NBEA: variants seen among roughly 807,000 people sequenced by gnomAD.
NBEA encodes the protein lysosomal-trafficking regulator 2.
NBEA carries 44 observed loss-of-function variants against 343.4 expected under a neutral mutation model. The observed-to-expected ratio is 0.13, with a 90% CI of 0.10 to 0.16. The LOEUF is 0.16. Among genes scored for constraint, NBEA ranks in the 10% least tolerant of loss-of-function variants. The pLI is 1.00. For missense variants in NBEA, 2,555 were observed against 3,631.3 expected, an observed-to-expected ratio of 0.70 and a Z score of 7.62; for synonymous variants, 1,175 against 1,238.7, an observed-to-expected ratio of 0.95 and a Z score of 1.08.
chr13:35,600,599 A>G (rs2082003233), intron 47 of NBEA, among the ~76,000 whole-genome samples: 1 of 152,316 alleles, frequency 6.6e-6, no homozygotes, highest in Non-Finnish European at 1.5e-5. Context: ...AAGTTATGAA[A>G]TGTATTGTTT....
intron 11 of NBEA, 97 bp from the exon 12 acceptor site, chr13:35,109,193 A>G: frequency 9.8e-7 from 1 of 1,020,846 alleles, no homozygotes; most frequent in Non-Finnish European, 1.4e-6. Flanking sequence ...TATTAGGGAT[A>G]GCATATGAAA....
chr13:35,194,103 C>T (rs2152740510), intron 30 of NBEA, among the ~76,000 whole-genome samples: 1 of 151,960 alleles, frequency 6.6e-6, no homozygotes, highest in South Asian at 2.1e-4. Flanking sequence ...TAAATTCACA[C>T]CCTCAGGAAA....
chr13:35,202,378 A>T (rs781658057), intron 31 of NBEA, among the ~76,000 whole-genome samples: 9 of 152,138 alleles, frequency 5.9e-5, no homozygotes, highest in Non-Finnish European at 1.3e-4. Flanking sequence ...ACTTAGTGTA[A>T]TCCCCTGTTA....
chr13:35,116,107 G>A (rs2066480453), intron 13 of NBEA, among the ~76,000 whole-genome samples: 1 of 152,166 alleles, frequency 6.6e-6, no homozygotes, highest in African/African-American at 2.4e-5. Flanking sequence ...ACAATCAGTT[G>A]TTAGATATTC....
chr13:35,276,367 AATCAAGACATT>A (rs2034591752), intron 34 of NBEA, among the ~76,000 whole-genome samples: 2 of 152,192 alleles, frequency 1.3e-5, no homozygotes, highest in Non-Finnish European at 2.9e-5. Flanking sequence ...TGTTTTGACA[AATCAAGACATT>A]TGGGTGCTTA....
intron 17 of NBEA, among the ~76,000 whole-genome samples, chr13:35,141,753 A>G (rs2068106253): frequency 6.6e-6 from 1 of 152,206 alleles, no homozygotes; most frequent in African/African-American, 2.4e-5. Flanking sequence ...CCACAAATAC[A>G]AGCAATGATG....
intron 38 of NBEA, among the ~76,000 whole-genome samples, chr13:35,422,552 TG>T (rs1190245543): frequency 6.6e-6 from 1 of 152,198 alleles, no homozygotes; most frequent in East Asian, 1.9e-4. Flanking sequence ...CTATCGTTGT[TG>T]GACATTTGGG....
intron 38 of NBEA, among the ~76,000 whole-genome samples, chr13:35,371,169 G>A (rs2041411033): frequency 6.6e-6 from 1 of 151,888 alleles, no homozygotes; most frequent in Non-Finnish European, 1.5e-5. Context: ...TACTAGACTT[G>A]GGAAATATCC....
chr13:35,610,307 C>A (rs368167408), intron 48 of NBEA, among the ~76,000 whole-genome samples: 7 of 152,006 alleles, frequency 4.6e-5, no homozygotes, highest in African/African-American at 1.2e-4. Context: ...GTGGGAGGAT[C>A]GTTTGAGCCT....
intron 39 of NBEA, among the ~76,000 whole-genome samples, chr13:35,442,093 A>C (rs2045770177): frequency 6.6e-6 from 1 of 152,092 alleles, no homozygotes; most frequent in African/African-American, 2.4e-5. Flanking sequence ...TCATTATAGG[A>C]AATACCAACA....
chr13:35,043,744 T>G (rs373674011), intron 2 of NBEA, among the ~76,000 whole-genome samples: 1 of 152,092 alleles, frequency 6.6e-6, no homozygotes, highest in East Asian at 1.9e-4. Flanking sequence ...CATACTAAGT[T>G]TCCATTTTGA....
chr13:35,144,678 T>A (rs893134110), intron 18 of NBEA, among the ~76,000 whole-genome samples: 2 of 152,132 alleles, frequency 1.3e-5, no homozygotes, highest in Admixed American at 6.6e-5. Flanking sequence ...AGAAGGTCGG[T>A]CTTCTTTATC....
intron 33 of NBEA, among the ~76,000 whole-genome samples, chr13:35,213,033 A>G (rs2073872271): frequency 6.6e-6 from 1 of 151,882 alleles, no homozygotes; most frequent in Admixed American, 6.6e-5. Context: ...TTCACTTTAT[A>G]ATTTTTTGGT....
intron 40 of NBEA, among the ~76,000 whole-genome samples, chr13:35,455,170 A>T (rs1343689074): frequency 1.3e-5 from 2 of 152,044 alleles, no homozygotes; most frequent in South Asian, 4.1e-4. Flanking sequence ...GTAAACCTAA[A>T]CCTGCTGATT....
chr13:35,449,011 C>T (rs1430675715), intron 39 of NBEA, among the ~76,000 whole-genome samples: 1 of 152,086 alleles, frequency 6.6e-6, no homozygotes. Context: ...TAGGAACATA[C>T]CCTGCAGAGG....
intron 1 of NBEA, among the ~76,000 whole-genome samples, chr13:35,037,485 A>T (rs1210002395): frequency 6.6e-6 from 1 of 152,136 alleles, no homozygotes; most frequent in African/African-American, 2.4e-5. Context: ...CTGGGCATTG[A>T]AGAGTTAGGT....
intron 35 of NBEA, among the ~76,000 whole-genome samples, chr13:35,296,878 ATCC>A (rs1357184149): frequency 2.6e-5 from 4 of 151,886 alleles, no homozygotes; most frequent in Non-Finnish European, 4.4e-5. Flanking sequence ...AGTTTTCTGT[ATCC>A]TCTTTTTTGT....
chr13:35,404,104 C>T (rs1381317415), intron 38 of NBEA, among the ~76,000 whole-genome samples: 2 of 152,130 alleles, frequency 1.3e-5, no homozygotes, highest in Non-Finnish European at 2.9e-5. Context: ...CAGGAAACAA[C>T]AGGTGCTGGA....
intron 28 of NBEA, 23 bp downstream of exon 28, chr13:35,177,126 C>G (rs1320531758): frequency 8.5e-6 from 13 of 1,520,770 alleles, no homozygotes; most frequent in African/African-American, 1.4e-5. Flanking sequence ...TGATTGGTTT[C>G]CCTGAAATAA....
Sources: gnomAD v4.1 joint callset for allele counts (sites outside exome capture counted in the v4.1 genomes callset) on GRCh38, gnomAD v4.1.1 for gene constraint, MANE v1.5 for transcripts, NCBI Gene and HGNC (gene_info 2026-07-23, HGNC 2026-07-21) for gene names.